The following NEUROD2 variants were observed in gnomAD, a reference collection of about 807,000 sequenced individuals.
NEUROD2 encodes the protein neuronal differentiation 2, also known as neurogenic differentiation factor 2.
In NEUROD2, 5 loss-of-function variants were observed where a neutral mutation model predicts 9.3. The observed-to-expected ratio is 0.54, with a 90% confidence interval of 0.28 to 1.13. The LOEUF (loss-of-function observed/expected upper bound fraction) is 1.13, where lower values mean the gene tolerates loss of function less well. NEUROD2 is among the 50% of genes most tolerant of loss of function. NEUROD2 has a pLI of 0.10. For missense variants in NEUROD2, 376 were observed against 549.2 expected (o/e 0.68, Z 3.15); for synonymous variants, 277 against 257.3 (o/e 1.08, Z -0.73).
At position 39,606,566 on chromosome 17, in the gene NEUROD2, G is replaced by A. The variant is rs914412784; in HGVS notation, c.34C>T (p.Leu12Phe). ...CTGGCGAACTTGGGCACGTCCGAGA[G>A]AAGGCCGGGCTCGCTGAACAGGCGG... ...LTRLFSEPGL[L>F]SDVPKFASWG... Residue 12 changes from leucine to phenylalanine, a missense_variant, in exon 2 of 2, where the codon CTC becomes TTC. Leu to Phe is a conservative substitution (Grantham distance 22, BLOSUM62 0). Coordinates refer to ENST00000302584, the MANE Select transcript of NEUROD2 (RefSeq NM_006160.4). This position sits in a 1 kb window ranked among gnomAD's most constrained non-coding sequence, Gnocchi z 7.8. 6 of 1,584,744 alleles carry A rather than the reference G, an allele frequency of 3.8e-6. No homozygotes were observed. In the Admixed American group the frequency reaches 5.1e-5, roughly 13 times the overall value.
At position 39,606,632 on chromosome 17, in the gene NEUROD2, GAGAC is replaced by G. The variant is rs746762212; in HGVS notation, c.-5-32_-5-29del. On this transcript the variant is annotated intron_variant, in intron 1 of 1. Transcript: ENST00000302584. This position sits in a 1 kb window ranked among gnomAD's most constrained non-coding sequence, Gnocchi z 7.8. ...GAGGGCGCCCCGCGGGCGGGAAGGGGAGACAGACAGCACAAAGTGAGGGGCGCGC... is the reference window on the plus strand; with the variant it reads ...GAGGGCGCCCCGCGGGCGGGAAGGGGAGACAGCACAAAGTGAGGGGCGCGC... 7.4e-5 allele frequency: 113 copies of G among 1,518,924 alleles called. No homozygotes were observed. The highest frequency in any genetic ancestry group is 1.9e-4 in the African/African-American group (13 of 69,934). The allele number at this position is 1,518,924 out of a possible 1,614,324, so 94.1% of individuals were successfully genotyped here.
In NEUROD2 at chr17:39,604,520, C is replaced by T. The variant is rs1215866768; in HGVS notation, c.*931G>A. The T allele has an allele frequency of 6.6e-6, 1 of 151,562 alleles. No homozygotes were observed. The highest frequency in any genetic ancestry group is 6.6e-5 in the Admixed American group (1 of 15,232). The allele number at this position is 151,562 out of a possible 1,614,324, so 9.4% of individuals were successfully genotyped here. ...CCCACTTCACCAAAGTGCACAGATC[C>T]GCGCTCGGGCGGGGCGGCCCGCAGG... On this transcript the variant is annotated 3_prime_UTR_variant, in exon 2 of 2. Transcript: ENST00000302584.
Position 39,604,562 on chromosome 17 carries a change from G to GGGGCC in NEUROD2, c.*884_*888dup, listed in dbSNP as rs1830882082. The GGGGCC allele has an allele frequency of 6.6e-6, 1 of 152,056 alleles. No individual in the cohort carries two copies. Among genetic ancestry groups the GGGGCC allele is most frequent in the East Asian group, 2.0e-4 (1 of 5,120 alleles). 9.4% of individuals were successfully genotyped at this position (152,056 alleles called of 1,614,324 possible). A position where few individuals can be genotyped will look rare whatever the true frequency, so the allele number is the denominator to read the frequency against. ...GCCCGCAGGCCGGGCGGGGCATCCC[G>GGGGCC]GGGCCGGGCCGGGCCGCGAGGCTCA... is the stretch of plus-strand genomic sequence containing the variant. On this transcript the variant is annotated 3_prime_UTR_variant, in exon 2 of 2. Transcript: ENST00000302584.
rs2056762352 is a variant in NEUROD2, at chr17:39,605,232, C to T, written c.*219G>A. The T allele has an allele frequency of 1.8e-6, 1 of 541,080 alleles. No homozygotes were observed. The highest frequency in any genetic ancestry group is 3.2e-6 in the Non-Finnish European group (1 of 316,236). The allele number at this position is 541,080 out of a possible 1,614,324, so 33.5% of individuals were successfully genotyped here. ...CTTGGGAGAGAGGAGGAGGGAACCC[C>T]TTGGGGAGAGAGAAGGCGAGTCCCC... On this transcript the variant is annotated 3_prime_UTR_variant, in exon 2 of 2. Coordinates refer to ENST00000302584, the MANE Select transcript of NEUROD2 (RefSeq NM_006160.4). The surrounding 1 kb of genome is among the most constrained non-coding windows in gnomAD (Gnocchi z 6.8).
At position 39,604,625 on chromosome 17, in the gene NEUROD2, A is replaced by G. The variant is rs1387480745; in HGVS notation, c.*826T>C. 1 of 151,266 alleles carries G rather than the reference A, an allele frequency of 6.6e-6. No individual in the cohort carries two copies. The highest frequency in any genetic ancestry group is 2.0e-4 in the East Asian group (1 of 5,128). 9.4% of individuals were successfully genotyped at this position (151,266 alleles called of 1,614,324 possible). A position where few individuals can be genotyped will look rare whatever the true frequency, so the allele number is the denominator to read the frequency against. On this transcript the variant is annotated 3_prime_UTR_variant, in exon 2 of 2. Coordinates refer to ENST00000302584, the MANE Select transcript of NEUROD2 (RefSeq NM_006160.4). ...TGCATAGATATTTGTGTCTTTGATT[A>G]TTGGTAGTAGTGGTTTTTTTTTGTT...
At position 39,605,798 on chromosome 17, in the gene NEUROD2, G is replaced by A. The variant is rs1567841476; in HGVS notation, c.802C>T (p.His268Tyr). 2 of 1,384,318 alleles carry A rather than the reference G, an allele frequency of 1.4e-6. No individual in the cohort carries two copies. The highest frequency in any genetic ancestry group is 9.3e-7 in the Non-Finnish European group (1 of 1,075,636). The allele number at this position is 1,384,318 out of a possible 1,614,324, so 85.8% of individuals were successfully genotyped here. A position where few individuals can be genotyped will look rare whatever the true frequency, so the allele number is the denominator to read the frequency against. Residue 268 changes from histidine (H) to tyrosine (Y), a missense_variant, in exon 2 of 2, where the codon CAC becomes TAC. His to Tyr is a moderately conservative substitution (Grantham distance 83). This residue lies in a region of NEUROD2 where 193 missense variants were observed against 255.8 expected (regional missense o/e 0.75). Coordinates refer to ENST00000302584, the MANE Select transcript of NEUROD2 (RefSeq NM_006160.4). The surrounding 1 kb of genome is among the most constrained non-coding windows in gnomAD (Gnocchi z 6.8). ...GGGAAHALRT[H>Y]GYCAAYETLY... ...GTCTCGTAGGCGGCGCAGTAGCCGTGGGTCCGCAGGGCGTGCGCCGCGCCG... is the reference window on the plus strand; with the variant it reads ...GTCTCGTAGGCGGCGCAGTAGCCGTAGGTCCGCAGGGCGTGCGCCGCGCCG...
In NEUROD2 at chr17:39,606,360, C is replaced by T. The variant is rs767362578; in HGVS notation, c.240G>A (p.Gly80=). 5.7e-6 allele frequency: 9 copies of T among 1,571,634 alleles called. No homozygotes were observed. Among genetic ancestry groups the T allele is most frequent in the Non-Finnish European group, 7.8e-6 (9 of 1,161,228 alleles). ...LAEVKEEGEL[G]GEEEEEEEEE... ...CCTCCTCTTCCTCCTCCTCCTCTCC[C>T]CCCAGCTCGCCTTCCTCCTTGACCT... The change falls in exon 2 of 2, where the codon GGG becomes GGA. Residue 80 remains glycine, a synonymous_variant. Coordinates refer to ENST00000302584, the MANE Select transcript of NEUROD2 (RefSeq NM_006160.4). The surrounding 1 kb of genome is among the most constrained non-coding windows in gnomAD (Gnocchi z 7.8).
rs758585982 is a variant in NEUROD2 at position 39,606,474 on chromosome 17, A to AGGCGGT, written c.120_125dup (p.Pro41_Pro42dup). ...GCCCCGGAGCCCCTGGCCCGGGCGC[A>AGGCGGT]GGCGGTGGCGGTGGCGGCGCGTCGC... is the stretch of plus-strand genomic sequence containing the variant. On this transcript the variant is annotated inframe_insertion, in exon 2 of 2. Transcript: ENST00000302584. This position sits in a 1 kb window ranked among gnomAD's most constrained non-coding sequence, Gnocchi z 7.8. The AGGCGGT allele has an allele frequency of 9.1e-6, 14 of 1,535,442 alleles. No homozygotes were observed. Among genetic ancestry groups the AGGCGGT allele is most frequent in the South Asian group, 3.6e-5 (3 of 83,890 alleles).
intron 1 of NEUROD2, 46 bp downstream of exon 1, chr17:39,607,682 C>T (rs1250331145): frequency 1.2e-5 from 12 of 984,324 alleles, no homozygotes; most frequent in African/African-American, 3.5e-5. Context: ...TGCCGCCCCT[C>T]CTCCCAACCG....
rs773052411 is a variant in NEUROD2, at chr17:39,606,620, G to T, written c.-5-16C>A. Reference sequence around the variant, plus strand: ...AGCATGGTGCCTGAGGGCGCCCCGCGGGCGGGAAGGGGAGACAGACAGCAC... The same window carrying T: ...AGCATGGTGCCTGAGGGCGCCCCGCTGGCGGGAAGGGGAGACAGACAGCAC... On this transcript the variant is annotated splice_polypyrimidine_tract_variant and intron_variant, in intron 1 of 1. Coordinates refer to ENST00000302584, the MANE Select transcript of NEUROD2 (RefSeq NM_006160.4). This position sits in a 1 kb window ranked among gnomAD's most constrained non-coding sequence, Gnocchi z 7.8. 1 of 1,527,606 alleles carries T rather than the reference G, an allele frequency of 6.5e-7. No individual in the cohort carries two copies. The highest frequency in any genetic ancestry group is 1.2e-5 in the South Asian group (1 of 82,744). 94.6% of individuals were successfully genotyped at this position (1,527,606 alleles called of 1,614,324 possible).
At chr17:39,607,468 C>G in intron 1 of NEUROD2, 3 of 316,168 alleles carry the variant, frequency 9.5e-6, no homozygotes, top group South Asian at 1.2e-4. Flanking sequence ...AGGGGTCCTC[C>G]GTCTCGGCCT....
chr17:39,605,207 C>CT lies in NEUROD2; in HGVS notation c.*243dup. 2.2e-6 allele frequency: 1 copy of CT among 447,188 alleles called. No individual in the cohort carries two copies. The highest frequency in any genetic ancestry group is 3.9e-6 in the Non-Finnish European group (1 of 254,142). 27.7% of individuals were successfully genotyped at this position (447,188 alleles called of 1,614,324 possible). A position where few individuals can be genotyped will look rare whatever the true frequency, so the allele number is the denominator to read the frequency against. ...GAGAGAGGTCCCTGGAGAAGCACTC[C>CT]TTGGGAGAGAGGAGGAGGGAACCCC... is the stretch of plus-strand genomic sequence containing the variant. On this transcript the variant is annotated 3_prime_UTR_variant, in exon 2 of 2. Coordinates refer to ENST00000302584, the MANE Select transcript of NEUROD2 (RefSeq NM_006160.4). The surrounding 1 kb of genome is among the most constrained non-coding windows in gnomAD (Gnocchi z 6.8).
Position 39,605,855 on chromosome 17 carries a change from C to A in NEUROD2, c.745G>T (p.Ala249Ser). 2.0e-6 allele frequency: 3 copies of A among 1,490,438 alleles called. No individual in the cohort carries two copies. The highest frequency in any genetic ancestry group is 1.8e-6 in the Non-Finnish European group (2 of 1,125,430). The allele number at this position is 1,490,438 out of a possible 1,614,324, so 92.3% of individuals were successfully genotyped here. A position where few individuals can be genotyped will look rare whatever the true frequency, so the allele number is the denominator to read the frequency against. Residue 249 changes from alanine to serine, a missense_variant, in exon 2 of 2, where the codon GCA (alanine) becomes TCA (serine). Coordinates refer to ENST00000302584, the MANE Select transcript of NEUROD2 (RefSeq NM_006160.4). This position sits in a 1 kb window ranked among gnomAD's most constrained non-coding sequence, Gnocchi z 6.8. ...YPYPCSRLAG[A>S]QCQAAGGLGG... is the part of the protein sequence containing the mutation. ...AGGCCGCCGGCCGCCTGGCACTGTG[C>A]GCCCGCCAGGCGCGAGCACGGGTAC...
chr17:39,605,383 C>A lies in NEUROD2; in HGVS notation c.*68G>T. 1 of 1,457,722 alleles carries A rather than the reference C, an allele frequency of 6.9e-7. No individual in the cohort carries two copies. The highest frequency in any genetic ancestry group is 1.4e-5 in the African/African-American group (1 of 70,002). The allele number at this position is 1,457,722 out of a possible 1,614,324, so 90.3% of individuals were successfully genotyped here. A position where few individuals can be genotyped will look rare whatever the true frequency, so the allele number is the denominator to read the frequency against. Reference sequence around the variant, plus strand: ...CCGGGGTAGGATGGGGGTGTCCCTGCGCTCTGGGGGCTGGGGACAGGGGGG... The same window carrying A: ...CCGGGGTAGGATGGGGGTGTCCCTGAGCTCTGGGGGCTGGGGACAGGGGGG... On this transcript the variant is annotated 3_prime_UTR_variant, in exon 2 of 2. Transcript: ENST00000302584. The surrounding 1 kb of genome is among the most constrained non-coding windows in gnomAD (Gnocchi z 6.8).
At position 39,605,951 on chromosome 17, in the gene NEUROD2, T is replaced by C. The variant is rs1478936153; in HGVS notation, c.649A>G (p.Thr217Ala). Reference protein sequence around the residue: ...CLQLNSRNFLTEQGADGAGRF... With the variant: ...CLQLNSRNFLAEQGADGAGRF... ...CCGGCACCGTCGGCGCCTTGCTCCG[T>C]GAGGAAGTTGCGAGAGTTGAGCTGC... Residue 217 changes from threonine to alanine, a missense_variant, in exon 2 of 2, where the codon ACG (threonine) becomes GCG (alanine). This residue lies in a region of NEUROD2 where 193 missense variants were observed against 255.8 expected (regional missense o/e 0.75). Coordinates refer to ENST00000302584, the MANE Select transcript of NEUROD2 (RefSeq NM_006160.4). The surrounding 1 kb of genome is among the most constrained non-coding windows in gnomAD (Gnocchi z 6.8). 3 of 1,612,726 alleles carry C rather than the reference T, an allele frequency of 1.9e-6. No individual in the cohort carries two copies. Among genetic ancestry groups the C allele is most frequent in the Admixed American group, 1.7e-5 (1 of 60,000 alleles).
intron 1 of NEUROD2, 31 bp downstream of exon 1, chr17:39,607,697 G>T: frequency 7.2e-6 from 7 of 969,566 alleles, no homozygotes; most frequent in Non-Finnish European, 8.6e-6. Context: ...CAACCGGCGG[G>T]TCAGATCTCG....
rs2056771285 is a variant in NEUROD2, at chr17:39,606,846, C to T, written c.-5-242G>A. ...CCGGCGCTGGGCCCCGGCTCCGCCCCTCGCTTGAATGGGGGGCTGCTCCCC... is the reference window on the plus strand; with the variant it reads ...CCGGCGCTGGGCCCCGGCTCCGCCCTTCGCTTGAATGGGGGGCTGCTCCCC... On this transcript the variant is annotated intron_variant, in intron 1 of 1. Transcript: ENST00000302584. This position sits in a 1 kb window ranked among gnomAD's most constrained non-coding sequence, Gnocchi z 7.8. 2.1e-6 allele frequency: 1 copy of T among 472,878 alleles called. No individual in the cohort carries two copies. Among genetic ancestry groups the T allele is most frequent in the Admixed American group, 4.3e-5 (1 of 23,340 alleles). 29.3% of individuals were successfully genotyped at this position (472,878 alleles called of 1,614,324 possible). A position where few individuals can be genotyped will look rare whatever the true frequency, so the allele number is the denominator to read the frequency against.
Position 39,605,546 on chromosome 17 carries a change from C to T in NEUROD2, c.1054G>A (p.Gly352Ser), listed in dbSNP as rs1448014872. ...LVFGSSAVRG[G>S]VHSENLLSYD... Reference sequence around the variant, plus strand: ...GACAAGAGATTCTCCGAGTGGACGCCCCCGCGCACAGCCGACGAGCCGAAG... The same window carrying T: ...GACAAGAGATTCTCCGAGTGGACGCTCCCGCGCACAGCCGACGAGCCGAAG... The change falls in exon 2 of 2, where the codon GGC (glycine) becomes AGC (serine). Residue 352 changes from glycine (G) to serine (S), a missense_variant. Gly to Ser is a moderately conservative substitution (Grantham distance 56, BLOSUM62 0). This residue lies in a region of NEUROD2 where 193 missense variants were observed against 255.8 expected (regional missense o/e 0.75). Coordinates refer to ENST00000302584, the MANE Select transcript of NEUROD2 (RefSeq NM_006160.4). This position sits in a 1 kb window ranked among gnomAD's most constrained non-coding sequence, Gnocchi z 6.8. The T allele has an allele frequency of 6.2e-7, 1 of 1,613,530 alleles. No homozygotes were observed. The highest frequency in any genetic ancestry group is 1.1e-5 in the South Asian group (1 of 91,046).
Position 39,606,450 on chromosome 17 carries a change from C to T in NEUROD2, c.150G>A (p.Gly50=), listed in dbSNP as rs778267526. Residue 50 remains glycine (G), a synonymous_variant, in exon 2 of 2, where the codon GGG becomes GGA. Transcript: ENST00000302584. This position sits in a 1 kb window ranked among gnomAD's most constrained non-coding sequence, Gnocchi z 7.8. ...PPPAPGPGAP[G]PARAAKPVPL... ...GGACTGGCTTGGCCGCCCGGGCTGG[C>T]CCCGGAGCCCCTGGCCCGGGCGCAG... 1.2e-5 allele frequency: 19 copies of T among 1,522,970 alleles called. No individual in the cohort carries two copies. The highest frequency in any genetic ancestry group is 9.9e-5 in the East Asian group (4 of 40,602). The allele number at this position is 1,522,970 out of a possible 1,614,324, so 94.3% of individuals were successfully genotyped here. A position where few individuals can be genotyped will look rare whatever the true frequency, so the allele number is the denominator to read the frequency against.
Sources: allele counts gnomAD v4.1 joint callset, GRCh38; gene constraint gnomAD v4.1.1; regional missense constraint gnomAD v4.1.1; non-coding constraint Gnocchi (gnomAD v3.1); transcripts MANE v1.5; gene names NCBI Gene and HGNC (gene_info 2026-07-23, HGNC 2026-07-21).